Variants in OTOGL observed in about 807,000 individuals in gnomAD.
OTOGL encodes the protein otogelin-like protein.
In OTOGL, 285 loss-of-function variants were observed where a neutral mutation model predicts 318.5. The observed-to-expected ratio is 0.89, with a 90% CI of 0.81 to 0.99. The LOEUF (loss-of-function observed/expected upper bound fraction) is 0.99. Ranked by LOEUF, OTOGL falls within the 50% of genes least tolerant of loss-of-function variation. The probability of loss-of-function intolerance (pLI) is 0.00; values close to 1 mark genes in which losing one functional copy is unlikely to be tolerated. For missense variants in OTOGL, 2,899 were observed against 2,845.6 expected (o/e 1.02, Z -0.43); for synonymous variants, 987 against 936.5 (o/e 1.05, Z -0.99).
intron 26 of OTOGL, among the ~76,000 whole-genome samples, chr12:80,289,425 T>A (rs1376182481): frequency 6.6e-6 from 1 of 152,208 alleles, no homozygotes. Flanking sequence ...TTGAGCATTC[T>A]GCTGTGAGAT....
intron 46 of OTOGL, 101 bp downstream of exon 46, chr12:80,353,611 C>A: frequency 2.1e-6 from 2 of 943,306 alleles, no homozygotes; most frequent in Non-Finnish European, 2.9e-6. Flanking sequence ...TTATCAAAGA[C>A]AGCCTCTGTT....
Position 80,337,248 on chromosome 12 carries a change from G to A in OTOGL, c.4860+244G>A, listed in dbSNP as rs577450515. Among the ~76,000 whole-genome samples, 285 of 151,970 alleles carry A rather than the reference G, an allele frequency of 1.9e-3. 3 individuals are homozygous for A. Among genetic ancestry groups the A allele is most frequent in the Non-Finnish European group, 3.3e-3 (226 of 67,946 alleles). Reference sequence around the variant, plus strand: ...CAGGGACCATGTTAAATACACTAGCGACCTCTGAGATAGTGTGATTGGCCA... The same window carrying A: ...CAGGGACCATGTTAAATACACTAGCAACCTCTGAGATAGTGTGATTGGCCA... On this transcript the variant is annotated intron_variant, in intron 42 of 58. Transcript: ENST00000547103.
chr12:80,143,933 A>G (rs1412631123), intron 1 of OTOGL, among the ~76,000 whole-genome samples: 1 of 152,136 alleles, frequency 6.6e-6, no homozygotes, highest in Non-Finnish European at 1.5e-5. Flanking sequence ...AGTTAATGGT[A>G]TTCTAAAAGG....
chr12:80,214,250 A>G (rs1179213166), intron 4 of OTOGL, among the ~76,000 whole-genome samples: 1 of 152,220 alleles, frequency 6.6e-6, no homozygotes, highest in Non-Finnish European at 1.5e-5. Context: ...CAAATAAAGG[A>G]GAAAGGAAAA....
At chr12:80,297,039 A>G (rs376963219) in intron 27 of OTOGL, 78 bp downstream of exon 27, 4 of 1,276,162 alleles carry the variant, frequency 3.1e-6, no homozygotes, top group Admixed American at 2.5e-5. Context: ...GATTTGGTCT[A>G]CTCCTCTCTG....
chr12:80,119,244 G>A (rs75856882), intron 1 of OTOGL, among the ~76,000 whole-genome samples: 1 of 152,166 alleles, frequency 6.6e-6, no homozygotes, highest in Non-Finnish European at 1.5e-5. Flanking sequence ...AAGAATGCAA[G>A]ACTCTCTCTT....
Position 80,192,889 on chromosome 12 carries a change from T to C in OTOGL, c.-19-16524T>C, listed in dbSNP as rs77934259. The stretch of plus-strand genomic sequence containing the variant: ...ATATAGTATGTACCCAAATATTTCA[T>C]GAAAAAATAAAGGTTACTACTCAGA... On this transcript the variant is annotated intron_variant, in intron 1 of 58. Transcript: ENST00000547103. Among the ~76,000 whole-genome samples the C allele has an allele frequency of 5.5e-3, 839 of 152,126 alleles. 9 individuals carry two copies. The highest frequency in any genetic ancestry group is 0.019 in the African/African-American group (791 of 41,474).
At chr12:80,308,768 C>T (rs1420705318) in intron 29 of OTOGL, among the ~76,000 whole-genome samples, 1 of 152,206 alleles carries the variant, frequency 6.6e-6, no homozygotes, top group Admixed American at 6.5e-5. Context: ...AGCTGGAGAC[C>T]AGCCCGGCCA....
At chr12:80,321,337 C>G (rs77481193) in intron 34 of OTOGL, among the ~76,000 whole-genome samples, 5 of 152,122 alleles carry the variant, frequency 3.3e-5, no homozygotes, top group African/African-American at 9.7e-5. Context: ...CTCAAGAAAT[C>G]GTTTCATCCT....
chr12:80,199,389 C>T (rs1034466913), intron 1 of OTOGL, among the ~76,000 whole-genome samples: 2 of 152,202 alleles, frequency 1.3e-5, no homozygotes, highest in Non-Finnish European at 2.9e-5. Context: ...CCTTTCAGGG[C>T]ATCTTGTATT....
intron 4 of OTOGL, among the ~76,000 whole-genome samples, chr12:80,212,915 T>A (rs1361683001): frequency 6.6e-6 from 1 of 151,908 alleles, no homozygotes; most frequent in African/African-American, 2.4e-5. Flanking sequence ...GACCTTTTTT[T>A]TGTTCCATTG....
chr12:80,142,238 A>G (rs1185785471), intron 1 of OTOGL, among the ~76,000 whole-genome samples: 1 of 152,172 alleles, frequency 6.6e-6, no homozygotes, highest in Non-Finnish European at 1.5e-5. Flanking sequence ...AATTACTTTT[A>G]GTAATATATC....
At chr12:80,333,108 T>C in intron 38 of OTOGL, 30 bp downstream of exon 38, 2 of 1,534,788 alleles carry the variant, frequency 1.3e-6, no homozygotes, top group Non-Finnish European at 1.8e-6. Flanking sequence ...TCCAGCTCTT[T>C]GTCATTTCCA....
intron 1 of OTOGL, chr12:80,133,540 G>A (rs2137124713): frequency 6.6e-6 from 1 of 151,872 alleles, no homozygotes; most frequent in South Asian, 2.1e-4. Flanking sequence ...CTTATCCATT[G>A]GCCTAAGGAA....
At chr12:80,322,437 G>C (rs184698149) in intron 34 of OTOGL, among the ~76,000 whole-genome samples, 2 of 152,266 alleles carry the variant, frequency 1.3e-5, no homozygotes, top group East Asian at 3.9e-4. Flanking sequence ...GAAACTCCAG[G>C]AGCCTATTGT....
At chr12:80,256,097 G>C (rs1167287387) in intron 16 of OTOGL, among the ~76,000 whole-genome samples, 1 of 151,842 alleles carries the variant, frequency 6.6e-6, no homozygotes, top group African/African-American at 2.4e-5. Flanking sequence ...ACTATATAAA[G>C]TTATATTTTA....
At chr12:80,299,688 ATATTT>A (rs1026520602) in intron 27 of OTOGL, among the ~76,000 whole-genome samples, 2 of 151,750 alleles carry the variant, frequency 1.3e-5, no homozygotes, top group African/African-American at 4.8e-5. Context: ...TAAGATATAA[ATATTT>A]TATTAATTTA....
intron 2 of OTOGL, among the ~76,000 whole-genome samples, chr12:80,210,030 T>C (rs1317831505): frequency 6.6e-6 from 1 of 152,106 alleles, no homozygotes; most frequent in African/African-American, 2.4e-5. Flanking sequence ...AAAATTGATT[T>C]TAATTATTTT....
intron 1 of OTOGL, among the ~76,000 whole-genome samples, chr12:80,130,300 A>G (rs1442380509): frequency 6.6e-6 from 1 of 152,224 alleles, no homozygotes; most frequent in African/African-American, 2.4e-5. Context: ...GTTCCAGCAA[A>G]GATGCAGAGA....
Sources: allele counts gnomAD v4.1 joint callset (sites outside exome capture counted in the v4.1 genomes callset), GRCh38; gene constraint gnomAD v4.1.1; transcripts MANE v1.5; gene names NCBI Gene and HGNC (gene_info 2026-07-23, HGNC 2026-07-21).